The following ZC3H8 variants were observed in gnomAD, a reference collection of about 807,000 sequenced individuals.
ZC3H8 encodes the protein zinc finger CCCH domain-containing protein 8.
In ZC3H8, 27 loss-of-function variants were observed where a neutral mutation model predicts 42.5. The observed-to-expected ratio is 0.64, with a 90% CI of 0.47 to 0.88. The LOEUF (loss-of-function observed/expected upper bound fraction) is 0.88. Among genes scored for constraint, ZC3H8 ranks in the 40% least tolerant of loss-of-function variants. The pLI, the probability that ZC3H8 is intolerant of heterozygous loss-of-function variation, is 0.00. For synonymous variants in ZC3H8, 101 were observed against 110.1 expected, an observed-to-expected ratio of 0.92 and a Z score of 0.52; for missense variants, 277 against 336.1, an observed-to-expected ratio of 0.82 and a Z score of 1.37.
chr2:112,236,017 G>A (rs534554142), intron 4 of ZC3H8, among the ~76,000 whole-genome samples: 1 of 152,052 alleles, frequency 6.6e-6, no homozygotes, highest in East Asian at 1.9e-4. Context: ...GGAGGTGGTG[G>A]GTGGTGGGAG....
intron 2 of ZC3H8, among the ~76,000 whole-genome samples, chr2:112,242,273 CAAAAG>C (rs554068771): frequency 4.6e-4 from 70 of 152,090 alleles, no homozygotes; most frequent in Non-Finnish European, 6.8e-4. Context: ...ATGGTTGAAA[CAAAAG>C]AAATCAAAAG....
chr2:112,254,983 AC>A lies in ZC3H8; in HGVS notation c.-3del. On this transcript the variant is annotated 5_prime_UTR_variant, in exon 1 of 9. Coordinates refer to ENST00000409573, the MANE Select transcript of ZC3H8 (RefSeq NM_032494.3). ...TGAGAAAAGATTCTCAAAATCCATG[AC>A]CCAGACAGGTCCTCCCTTTCGCGAG... is the stretch of plus-strand genomic sequence containing the variant. The A allele has an allele frequency of 6.2e-7, 1 of 1,605,576 alleles. No individual in the cohort carries two copies. The highest frequency in any genetic ancestry group is 8.5e-7 in the Non-Finnish European group (1 of 1,176,506).
chr2:112,238,699 TA>T (rs1446825615), intron 2 of ZC3H8, 171 bp from the exon 3 acceptor site: 8 of 461,956 alleles, frequency 1.7e-5, no homozygotes, highest in Admixed American at 3.9e-5. Flanking sequence ...TTTCCAGAAT[TA>T]AAAAAAAGAA....
chr2:112,231,745 G>T, intron 7 of ZC3H8, 93 bp downstream of exon 7: 1 of 636,194 alleles, frequency 1.6e-6, no homozygotes, highest in Non-Finnish European at 2.5e-6. Flanking sequence ...AACCTAAGAG[G>T]CACTCTCCTT....
chr2:112,219,479 A>C, intron 8 of ZC3H8, among the ~76,000 whole-genome samples: 1 of 152,190 alleles, frequency 6.6e-6, no homozygotes, highest in East Asian at 1.9e-4. Context: ...TATAAAGCTC[A>C]TAGAGGAAAA....
intron 1 of ZC3H8, among the ~76,000 whole-genome samples, chr2:112,253,201 T>C (rs1355291036): frequency 6.6e-6 from 1 of 152,090 alleles, no homozygotes; most frequent in Non-Finnish European, 1.5e-5. Context: ...ATTTTCCCCT[T>C]ACCCTTCATT....
chr2:112,233,877 T>A (rs560088693), intron 5 of ZC3H8, among the ~76,000 whole-genome samples: 13 of 152,074 alleles, frequency 8.5e-5, no homozygotes, highest in African/African-American at 1.4e-4. Flanking sequence ...TCAAAAAAAA[T>A]AAATAAATAC....
rs1179383515 is a variant in ZC3H8 at position 112,233,468 on chromosome 2, A to G, written c.622-97T>C. 6 of 799,844 alleles carry G rather than the reference A, an allele frequency of 7.5e-6. No homozygotes were observed. In the African/African-American group the frequency reaches 1.1e-4, roughly 14 times the overall value. The allele number at this position is 799,844 out of a possible 1,614,324, so 49.5% of individuals were successfully genotyped here. ...AAACTTTAAATAAGCAAATGATTCCAGAAAGAACCAAAGTCTTAGAGGTAG... is the reference window on the plus strand; with the variant it reads ...AAACTTTAAATAAGCAAATGATTCCGGAAAGAACCAAAGTCTTAGAGGTAG... On this transcript the variant is annotated intron_variant, in intron 5 of 8. Transcript: ENST00000409573.
chr2:112,230,975 A>G, intron 7 of ZC3H8, 25 bp from the exon 8 acceptor site: 1 of 1,207,572 alleles, frequency 8.3e-7, no homozygotes, highest in Non-Finnish European at 1.1e-6. Context: ...AAATCACATA[A>G]TCATTTTTAT....
intron 2 of ZC3H8, among the ~76,000 whole-genome samples, chr2:112,243,559 T>G (rs1685656084): frequency 6.6e-6 from 1 of 152,026 alleles, no homozygotes; most frequent in South Asian, 2.1e-4. Flanking sequence ...GAACCCCAAT[T>G]AAGCAAATAA....
rs1166711844 is a variant in ZC3H8, at chr2:112,213,775, C to CAAAAAAAAAAAA, written c.*2697_*2708dup. On this transcript the variant is annotated 3_prime_UTR_variant, in exon 9 of 9. Coordinates refer to ENST00000409573, the MANE Select transcript of ZC3H8 (RefSeq NM_032494.3). ...TGGGCGACAGAGCGAGACTCCGTCTCAAAAAAAAAAAAAAAAAAAAAAAAA... is the reference window on the plus strand; with the variant it reads ...TGGGCGACAGAGCGAGACTCCGTCTCAAAAAAAAAAAAAAAAAAAAAAAAAAAAAAAAAAAAA... 4.2e-5 allele frequency: 1 copy of CAAAAAAAAAAAA among 24,066 alleles called. No individual in the cohort carries two copies. The highest frequency in any genetic ancestry group is 2.0e-4 in the African/African-American group (1 of 5,024). 1.5% of individuals were successfully genotyped at this position (24,066 alleles called of 1,614,324 possible).
chr2:112,243,742 T>A (rs1449088328), intron 2 of ZC3H8, among the ~76,000 whole-genome samples: 1 of 152,138 alleles, frequency 6.6e-6, no homozygotes, highest in Non-Finnish European at 1.5e-5. Flanking sequence ...CTTAAAAACC[T>A]AAAATATTTA....
rs1322693017 is a variant in ZC3H8, at chr2:112,216,044, AG to A, written c.*439del. On this transcript the variant is annotated 3_prime_UTR_variant, in exon 9 of 9. Transcript: ENST00000409573. ...TGTAAAACTATTTAATGTCATAAAG[AG>A]AACTAACTCTGTTTTTATGGTCCAT... The A allele has an allele frequency of 6.6e-6, 1 of 152,220 alleles. No individual in the cohort carries two copies. Among genetic ancestry groups the A allele is most frequent in the Non-Finnish European group, 1.5e-5 (1 of 68,028 alleles). The allele number at this position is 152,220 out of a possible 1,614,324, so 9.4% of individuals were successfully genotyped here. A position where few individuals can be genotyped will look rare whatever the true frequency, so the allele number is the denominator to read the frequency against.
chr2:112,217,982 G>A (rs984976534), intron 8 of ZC3H8, among the ~76,000 whole-genome samples: 2 of 152,026 alleles, frequency 1.3e-5, no homozygotes, highest in African/African-American at 4.8e-5. Context: ...ACCCAGGCTG[G>A]ACCTGAATTC....
chr2:112,232,025 T>C, intron 6 of ZC3H8, 78 bp from the exon 7 acceptor site: 1 of 850,686 alleles, frequency 1.2e-6, no homozygotes, highest in Non-Finnish European at 1.7e-6. Flanking sequence ...TTATTTTTCC[T>C]AAATAAAGAC....
intron 8 of ZC3H8, among the ~76,000 whole-genome samples, chr2:112,220,805 G>C (rs551137682): frequency 3.3e-5 from 5 of 152,182 alleles, no homozygotes; most frequent in Non-Finnish European, 7.3e-5. Context: ...TGAGCAAAAA[G>C]AGCGAAACTC....
intron 2 of ZC3H8, chr2:112,240,380 CTTTAAT>C: frequency 6.6e-6 from 1 of 152,266 alleles, no homozygotes; most frequent in East Asian, 1.9e-4. Context: ...TGGTTTTGGC[CTTTAAT>C]TTTATTTAGT....
At chr2:112,236,415 C>T (rs1422259931) in intron 4 of ZC3H8, 147 bp downstream of exon 4, 1 of 1,009,532 alleles carries the variant, frequency 9.9e-7, no homozygotes, top group Non-Finnish European at 1.4e-6. Context: ...AACCCAGTGA[C>T]AGTAAAAGGA....
chr2:112,249,404 CCTCCAGA>C (rs1685869108), intron 2 of ZC3H8, among the ~76,000 whole-genome samples: 1 of 152,236 alleles, frequency 6.6e-6, no homozygotes, highest in Middle Eastern at 3.4e-3. Context: ...GGACCTCCAG[CCTCCAGA>C]ACCTTGAGAC....
Sources: gnomAD v4.1 joint callset for allele counts (sites outside exome capture counted in the v4.1 genomes callset) on GRCh38, gnomAD v4.1.1 for gene constraint, MANE v1.5 for transcripts, NCBI Gene and HGNC (gene_info 2026-07-23, HGNC 2026-07-21) for gene names.